SH3TC1: variants seen among roughly 807,000 people sequenced by gnomAD.
The protein encoded by SH3TC1 is SH3 domain and tetratricopeptide repeat-containing protein 1.
Under a neutral mutation model 117.3 loss-of-function variants are expected in SH3TC1, and 135 were observed. The ratio of observed to expected loss-of-function variants is 1.15; its 90% CI spans 1.00 to 1.33. The LOEUF (loss-of-function observed/expected upper bound fraction) is 1.33, where lower values mean the gene tolerates loss of function less well. Among genes scored for constraint, SH3TC1 ranks in the 40% most tolerant of loss-of-function variants. The probability of loss-of-function intolerance (pLI) is 0.00; values close to 1 mark genes in which losing one functional copy is unlikely to be tolerated. For missense variants in SH3TC1, 2,092 were observed against 1,794.3 expected, an observed-to-expected ratio of 1.17 and a Z score of -3.00; for synonymous variants, 898 against 816.9, an observed-to-expected ratio of 1.10 and a Z score of -1.69.
In SH3TC1 at chr4:8,240,713, GC is replaced by G; in HGVS notation, c.3771del (p.Tyr1259ThrfsTer19). Reference sequence around the variant, plus strand: ...TCCCCTTCAGGACCCGTTTGATGCAGCCGGGTACTACCAGCTGGCGCTGGCA... The same window carrying G: ...TCCCCTTCAGGACCCGTTTGATGCAGCGGGTACTACCAGCTGGCGCTGGCA... ...FYDLKDPFDAAGYYQLALAAA... is the reference protein window; with the variant it reads ...FYDLKDPFDAXGYYQLALAAA... On this transcript the variant is annotated frameshift_variant, in exon 18 of 18. Coordinates refer to ENST00000245105, the MANE Select transcript of SH3TC1 (RefSeq NM_018986.5). LOFTEE classifies it low-confidence loss of function (END_TRUNC). The G allele has an allele frequency of 6.2e-7, 1 of 1,614,012 alleles. No individual in the cohort carries two copies. Among genetic ancestry groups the G allele is most frequent in the South Asian group, 1.1e-5 (1 of 91,084 alleles).
rs1288807791 is a variant in SH3TC1, at chr4:8,209,378, G to C, written c.173-370G>C. 6.6e-6 allele frequency among the ~76,000 whole-genome samples: 1 copy of C among 152,210 alleles called. No individual in the cohort carries two copies. Among genetic ancestry groups the C allele is most frequent in the Non-Finnish European group, 1.5e-5 (1 of 68,040 alleles). ...TAGAAGTGGCGGCCACAAGCCGAGG[G>C]ACGTGTGCGGCCTCTTGAAGGCGAG... On this transcript the variant is annotated intron_variant, in intron 2 of 17. Coordinates refer to ENST00000245105, the MANE Select transcript of SH3TC1 (RefSeq NM_018986.5). This position sits in a 1 kb window ranked among gnomAD's most constrained non-coding sequence, Gnocchi z 5.9.
rs1721744394 is a variant in SH3TC1, at chr4:8,235,649, G to C, written c.3405+94G>C. On this transcript the variant is annotated intron_variant, in intron 15 of 17. Transcript: ENST00000245105. ...TGGCAGGGCAGAGCCCTCGCACCTG[G>C]AGGCAGGGCCGCCCATGCACATGCT... The C allele has an allele frequency of 2.1e-6, 3 of 1,432,218 alleles. No homozygotes were observed. The East Asian group carries it at 7.4e-5, about 36-fold the overall frequency. 88.7% of individuals were successfully genotyped at this position (1,432,218 alleles called of 1,614,324 possible).
chr4:8,198,822 C>T (rs1417344709), upstream of SH3TC1, among the ~76,000 whole-genome samples: 5 of 152,214 alleles, frequency 3.3e-5, no homozygotes, highest in Non-Finnish European at 2.9e-5. Context: ...TGTGTGCATA[C>T]GTGTGCCTGT....
chr4:8,236,396 C>A lies in SH3TC1; in HGVS notation c.3524C>A (p.Ala1175Asp). 6.5e-7 allele frequency: 1 copy of A among 1,529,972 alleles called. No individual in the cohort carries two copies. Among genetic ancestry groups the A allele is most frequent in the South Asian group, 1.2e-5 (1 of 81,172 alleles). 94.8% of individuals were successfully genotyped at this position (1,529,972 alleles called of 1,614,324 possible). Residue 1175 changes from alanine (A) to aspartate (D), a missense_variant, in exon 16 of 18, where the codon GCC (alanine) becomes GAC (aspartate). Physicochemically the swap from Ala to Asp is moderately radical, Grantham distance 126. Coordinates refer to ENST00000245105, the MANE Select transcript of SH3TC1 (RefSeq NM_018986.5). ...GAGCCCCAGGAGGGCTTGGAGTTTG[C>A]CCACATGGCCCTAGCACTCAGCATC... ...LEEPQEGLEF[A>D]HMALALSITL... is the part of the protein sequence containing the mutation.
At chr4:8,215,280 G>A (rs2152985104) in intron 5 of SH3TC1, 2 of 455,692 alleles carry the variant, frequency 4.4e-6, no homozygotes, top group South Asian at 3.1e-5. Flanking sequence ...TCCATTTGGA[G>A]GAATTCCAGG....
At chr4:8,215,659 CGA>C (rs1401464696) in intron 5 of SH3TC1, among the ~76,000 whole-genome samples, 3 of 152,180 alleles carry the variant, frequency 2.0e-5, no homozygotes, top group Non-Finnish European at 1.5e-5. Flanking sequence ...CTGCCCCAGA[CGA>C]GAGGGGGGAG....
In SH3TC1 at chr4:8,227,001, G is replaced by T; in HGVS notation, c.1307G>T (p.Ser436Ile). 2 of 1,555,364 alleles carry T rather than the reference G, an allele frequency of 1.3e-6. No homozygotes were observed. Among genetic ancestry groups the T allele is most frequent in the Non-Finnish European group, 1.7e-6 (2 of 1,149,854 alleles). Residue 436 changes from serine (S) to isoleucine (I), a missense_variant, in exon 12 of 18, where the codon AGC becomes ATC. Transcript: ENST00000245105. ...QEKEIPPPCL[S>I]LEPQETLQKV... ...GCAGAAATACCTCCACCTTGCCTGA[G>T]CCTGGAGCCACAGGAGACCTTGCAG...
chr4:8,237,153 G>A (rs1317916409), intron 16 of SH3TC1: 1 of 316,908 alleles, frequency 3.2e-6, no homozygotes, highest in East Asian at 5.0e-5. Context: ...GGGTTGCCTG[G>A]AGCCCTGGTG....
In SH3TC1 at chr4:8,232,070, C is replaced by T. The variant is rs1450341288; in HGVS notation, c.3045C>T (p.Ser1015=). The change falls in exon 13 of 18, where the codon TCC becomes TCT. Residue 1015 remains serine (S), a synonymous_variant. Transcript: ENST00000245105. ...QCVIYHELQL[S]LACKVADKVL... ...TCATCTACCATGAGCTCCAGCTCTC[C>T]CTGGCCTGCAAGGTGGCCGACAAGG... 1 of 1,613,550 alleles carries T rather than the reference C, an allele frequency of 6.2e-7. No individual in the cohort carries two copies. Among genetic ancestry groups the T allele is most frequent in the African/African-American group, 1.3e-5 (1 of 75,008 alleles).
At chr4:8,232,733 C>G (rs1168142895) in intron 13 of SH3TC1, 1 of 1,289,920 alleles carries the variant, frequency 7.8e-7, no homozygotes, top group Admixed American at 2.3e-5. Context: ...TGCACTCACA[C>G]CCCTTCGACT....
Position 8,209,702 on chromosome 4 carries a change from G to C in SH3TC1, c.173-46G>C. 1 of 1,612,080 alleles carries C rather than the reference G, an allele frequency of 6.2e-7. No individual in the cohort carries two copies. Among genetic ancestry groups the C allele is most frequent in the Non-Finnish European group, 8.5e-7 (1 of 1,179,484 alleles). On this transcript the variant is annotated intron_variant, in intron 2 of 17. Transcript: ENST00000245105. This position sits in a 1 kb window ranked among gnomAD's most constrained non-coding sequence, Gnocchi z 5.9. ...CGTTTGGCGCCTTCAGAGGAGCCAG[G>C]CCTTTGCTTGGTCTCCCCTAATCCT...
rs201487591 is a variant in SH3TC1, at chr4:8,232,155, C to T, written c.3130C>T (p.Arg1044Trp). 6.1e-5 allele frequency: 82 copies of T among 1,350,070 alleles called. No individual in the cohort carries two copies. In the Middle Eastern group the frequency reaches 6.2e-4, roughly 10 times the overall value. The allele number at this position is 1,350,070 out of a possible 1,614,324, so 83.6% of individuals were successfully genotyped here. A position where few individuals can be genotyped will look rare whatever the true frequency, so the allele number is the denominator to read the frequency against. The change falls in exon 13 of 18, where the codon CGG (arginine) becomes TGG (tryptophan). Residue 1044 changes from arginine (R) to tryptophan (W), a missense_variant and splice_region_variant. Coordinates refer to ENST00000245105, the MANE Select transcript of SH3TC1 (RefSeq NM_018986.5). ...SQLYLSLGTERAYKSALDYTK... is the reference protein window; with the variant it reads ...SQLYLSLGTEWAYKSALDYTK... ...GCTCTACCTGTCCCTGGGCACCGAGCGGTGAGGGCTGGCTCTGTGGTGGTG... is the reference window on the plus strand; with the variant it reads ...GCTCTACCTGTCCCTGGGCACCGAGTGGTGAGGGCTGGCTCTGTGGTGGTG...
chr4:8,206,682 C>G lies in SH3TC1; in HGVS notation c.172+1316C>G, dbSNP rs1445384261. On this transcript the variant is annotated intron_variant, in intron 2 of 17. Coordinates refer to ENST00000245105, the MANE Select transcript of SH3TC1 (RefSeq NM_018986.5). The surrounding 1 kb of genome is among the most constrained non-coding windows in gnomAD (Gnocchi z 5.5). ...AAGGGAAAGCTGGCTTGGGGTGGGG[C>G]TCCTCATCAGCTCCTTCACCTCCTC... is the stretch of plus-strand genomic sequence containing the variant. 6.6e-6 allele frequency among the ~76,000 whole-genome samples: 1 copy of G among 152,204 alleles called. No homozygotes were observed. The highest frequency in any genetic ancestry group is 2.4e-5 in the African/African-American group (1 of 41,436).
chr4:8,240,348 T>G (rs929065074), intron 17 of SH3TC1, among the ~76,000 whole-genome samples: 1 of 152,184 alleles, frequency 6.6e-6, no homozygotes, highest in Admixed American at 6.5e-5. Context: ...CACTCAACAC[T>G]GTGCCCCTGC....
Position 8,237,470 on chromosome 4 carries a change from C to A in SH3TC1, c.3557-4C>A. On this transcript the variant is annotated splice_polypyrimidine_tract_variant and splice_region_variant and intron_variant, in intron 16 of 17. Transcript: ENST00000245105. ...CACACCTGCCCCCTTGGCCTGCACCCCAGGGGACCGGCTGAACGAGCGCGT... is the reference window on the plus strand; with the variant it reads ...CACACCTGCCCCCTTGGCCTGCACCACAGGGGACCGGCTGAACGAGCGCGT... 1 of 1,555,652 alleles carries A rather than the reference C, an allele frequency of 6.4e-7. No individual in the cohort carries two copies. The highest frequency in any genetic ancestry group is 2.4e-5 in the East Asian group (1 of 42,476).
In SH3TC1 at chr4:8,231,527, G is replaced by A. The variant is rs56128512; in HGVS notation, c.2951-449G>A. 4.7e-3 allele frequency: 784 copies of A among 166,912 alleles called. 5 individuals are homozygous for A. The highest frequency in any genetic ancestry group is 0.017 in the African/African-American group (731 of 41,910). The allele number at this position is 166,912 out of a possible 1,614,324, so 10.3% of individuals were successfully genotyped here. A position where few individuals can be genotyped will look rare whatever the true frequency, so the allele number is the denominator to read the frequency against. On this transcript the variant is annotated intron_variant, in intron 12 of 17. Transcript: ENST00000245105. ...CTGTGGGTTTGGAGCCTGGCTGCAC[G>A]GGAGGAGCACGTGTGGGAATGCCAG...
At chr4:8,187,517 T>C (rs974267091) in intron 1 of SH3TC1, among the ~76,000 whole-genome samples, 1 of 152,134 alleles carries the variant, frequency 6.6e-6, no homozygotes, top group Non-Finnish European at 1.5e-5. Context: ...TTATTTGTAC[T>C]GGTGTGGACT....
At chr4:8,187,410 G>T (rs1336589820) in intron 1 of SH3TC1, among the ~76,000 whole-genome samples, 1 of 152,014 alleles carries the variant, frequency 6.6e-6, no homozygotes, top group Non-Finnish European at 1.5e-5. Flanking sequence ...AAGGAGTGGG[G>T]GTCATGCTCC....
At chr4:8,212,531 G>T (rs1017546968) in intron 3 of SH3TC1, among the ~76,000 whole-genome samples, 170 bp from the exon 4 acceptor site, 1 of 152,224 alleles carries the variant, frequency 6.6e-6, no homozygotes, top group Admixed American at 6.5e-5. Flanking sequence ...GCCTTTATAG[G>T]GGTGGGGCAA....
Sources: allele counts gnomAD v4.1 joint callset (sites outside exome capture counted in the v4.1 genomes callset), GRCh38; gene constraint gnomAD v4.1.1; non-coding constraint Gnocchi (gnomAD v3.1); transcripts MANE v1.5; gene names NCBI Gene and HGNC (gene_info 2026-07-23, HGNC 2026-07-21).